Variants in ATP9B observed in about 807,000 individuals in gnomAD.
The protein encoded by ATP9B is probable phospholipid-transporting ATPase IIB.
Under a neutral mutation model 146.1 loss-of-function variants are expected in ATP9B, and 110 were observed. The observed-to-expected ratio is 0.75, with a 90% confidence interval of 0.65 to 0.88. The LOEUF is 0.88. ATP9B is among the 40% of genes least tolerant of loss of function. The pLI, the probability that ATP9B is intolerant of heterozygous loss-of-function variation, is 0.00. For missense variants in ATP9B, 1,499 were observed against 1,496.4 expected (o/e 1.00, Z -0.03); for synonymous variants, 604 against 569.7 (o/e 1.06, Z -0.86).
At chr18:79,070,780 T>G (rs2146339154) in intron 1 of ATP9B, among the ~76,000 whole-genome samples, 1 of 152,298 alleles carries the variant, frequency 6.6e-6, no homozygotes, top group Non-Finnish European at 1.5e-5. Flanking sequence ...GTAATTTTCT[T>G]TGCTCTAAAA....
intron 2 of ATP9B, among the ~76,000 whole-genome samples, chr18:79,104,925 T>C (rs193133681): frequency 2.6e-5 from 4 of 152,056 alleles, no homozygotes; most frequent in African/African-American, 4.8e-5. Context: ...TTTATTTTTA[T>C]AGAGGCAGGG....
In ATP9B at chr18:79,344,363, G is replaced by A. The variant is rs765043740; in HGVS notation, c.2472+9G>A. Reference sequence around the variant, plus strand: ...CTGGGGACTCTCTGGAGGTAAGGCTGGACCCTGAGTGAGTACATGTCTGTC... The same window carrying A: ...CTGGGGACTCTCTGGAGGTAAGGCTAGACCCTGAGTGAGTACATGTCTGTC... On this transcript the variant is annotated intron_variant, in intron 21 of 29. Transcript: ENST00000426216. 2 of 1,613,058 alleles carry A rather than the reference G, an allele frequency of 1.2e-6. No homozygotes were observed. Among genetic ancestry groups the A allele is most frequent in the South Asian group, 1.1e-5 (1 of 91,004 alleles).
At chr18:79,225,929 G>A (rs12605399) in intron 11 of ATP9B, among the ~76,000 whole-genome samples, 52,768 of 53,396 alleles carry the variant, frequency 0.99, 26,080 homozygotes, top group Non-Finnish European at 1. Context: ...TGTCTTCAGC[G>A]TCTGAGTGAC....
Position 79,154,505 on chromosome 18 carries a change from A to G in ATP9B, c.728A>G (p.Asn243Ser). 6.5e-7 allele frequency: 1 copy of G among 1,537,098 alleles called. No individual in the cohort carries two copies. Among genetic ancestry groups the G allele is most frequent in the East Asian group, 2.4e-5 (1 of 41,318 alleles). Residue 243 changes from asparagine to serine, a missense_variant and splice_region_variant, in exon 7 of 30, where the codon AAT (asparagine) becomes AGT (serine). Transcript: ENST00000426216. ...AATCTTTTATAATGCTCTTTGCAGA[A>G]TCAAAGAATTCCATCGGACATGGTG... ...QVGDLIIVEK[N>S]QRIPSDMVFL...
chr18:79,246,301 C>T (rs1250074924), intron 11 of ATP9B, among the ~76,000 whole-genome samples: 1 of 125,210 alleles, frequency 8.0e-6, no homozygotes, highest in East Asian at 2.4e-4. Context: ...GTGCGGAGGG[C>T]ACCGCCCTAC....
chr18:79,227,077 A>T (rs1203261007), intron 11 of ATP9B, among the ~76,000 whole-genome samples: 1 of 152,076 alleles, frequency 6.6e-6, no homozygotes, highest in Non-Finnish European at 1.5e-5. Flanking sequence ...GGTGGGCTAT[A>T]ACCTGTTACT....
At chr18:79,300,973 G>C (rs969796726) in intron 13 of ATP9B, among the ~76,000 whole-genome samples, 1 of 152,128 alleles carries the variant, frequency 6.6e-6, no homozygotes, top group Non-Finnish European at 1.5e-5. Flanking sequence ...TTCACACTAA[G>C]AGAGAAAAGT....
chr18:79,215,366 G>A (rs1306314690), intron 11 of ATP9B, among the ~76,000 whole-genome samples: 2 of 152,058 alleles, frequency 1.3e-5, no homozygotes, highest in Non-Finnish European at 2.9e-5. Context: ...CTGTGCACAC[G>A]GAGAATCCAG....
chr18:79,094,899 C>G (rs1419330744), intron 1 of ATP9B, among the ~76,000 whole-genome samples: 1 of 152,166 alleles, frequency 6.6e-6, no homozygotes, highest in African/African-American at 2.4e-5. Flanking sequence ...CCATCGTACA[C>G]GACATGTACA....
At chr18:79,311,433 T>C (rs2096651805) in intron 15 of ATP9B, among the ~76,000 whole-genome samples, 1 of 152,162 alleles carries the variant, frequency 6.6e-6, no homozygotes, top group South Asian at 2.1e-4. Flanking sequence ...CATCCCCTGA[T>C]ACGGTGACCT....
intron 10 of ATP9B, among the ~76,000 whole-genome samples, chr18:79,210,335 G>A (rs941891358): frequency 1.3e-5 from 2 of 152,238 alleles, no homozygotes; most frequent in Admixed American, 6.5e-5. Flanking sequence ...GGCTGTCAGA[G>A]GGCAATCCCT....
chr18:79,152,206 A>T lies in ATP9B; in HGVS notation c.727-2298A>T, dbSNP rs139408805. ...CTGGAGAGGATGTGGAGAAATAGGA[A>T]CGCTTTTACACTGTTGGTGGGAGTG... is the stretch of plus-strand genomic sequence containing the variant. On this transcript the variant is annotated intron_variant, in intron 6 of 29. Coordinates refer to ENST00000426216, the MANE Select transcript of ATP9B (RefSeq NM_198531.5). 5.9e-3 allele frequency among the ~76,000 whole-genome samples: 894 copies of T among 152,348 alleles called. 5 individuals are homozygous for T. Among genetic ancestry groups the T allele is most frequent in the African/African-American group, 0.021 (864 of 41,574 alleles).
At chr18:79,163,869 T>TACACAC (rs56408063) in intron 7 of ATP9B, among the ~76,000 whole-genome samples, 12,078 of 142,674 alleles carry the variant, frequency 0.085, 576 homozygotes, top group African/African-American at 0.12. Flanking sequence ...TTTTATTTTA[T>TACACAC]ACACACACAC....
At chr18:79,132,234 G>A (rs145391567) in intron 5 of ATP9B, among the ~76,000 whole-genome samples, 35 of 152,260 alleles carry the variant, frequency 2.3e-4, no homozygotes, top group African/African-American at 8.4e-4. Flanking sequence ...TATTTCAAAT[G>A]TACATGAAAA....
intron 11 of ATP9B, among the ~76,000 whole-genome samples, chr18:79,234,817 T>G (rs907361976): frequency 6.6e-6 from 1 of 152,234 alleles, no homozygotes; most frequent in Non-Finnish European, 1.5e-5. Context: ...GCTCTATGTA[T>G]AAGATTTCCT....
intron 13 of ATP9B, among the ~76,000 whole-genome samples, chr18:79,301,882 A>G (rs1298175585): frequency 6.6e-6 from 1 of 152,204 alleles, no homozygotes; most frequent in Admixed American, 6.5e-5. Flanking sequence ...TAAAATAGTA[A>G]TTGTAAGCTC....
In ATP9B at chr18:79,358,883, G is replaced by T. The variant is rs140019520; in HGVS notation, c.2904-471G>T. Among the ~76,000 whole-genome samples the T allele has an allele frequency of 1.4e-4, 19 of 133,338 alleles. No homozygotes were observed. The East Asian group carries it at 4.4e-3, about 31-fold the overall frequency. 87.5% of individuals were successfully genotyped at this position (133,338 alleles called of 152,430 possible). On this transcript the variant is annotated intron_variant, in intron 25 of 29. Coordinates refer to ENST00000426216, the MANE Select transcript of ATP9B (RefSeq NM_198531.5). ...GTGCCCTGGGTCTGGAGGTGTCTGT[G>T]TGAGGGACTCTGTGTGAGGGGTGCT...
At chr18:79,111,152 T>G (rs7227137) in intron 3 of ATP9B, among the ~76,000 whole-genome samples, 10,534 of 152,220 alleles carry the variant, frequency 0.069, 1,272 homozygotes, top group African/African-American at 0.24. Flanking sequence ...CATATACAAT[T>G]AGAATAGTTG....
In ATP9B at chr18:79,134,145, G is replaced by T. The variant is rs570252440; in HGVS notation, c.667+7770G>T. On this transcript the variant is annotated intron_variant, in intron 5 of 29. Transcript: ENST00000426216. ...TGATTTCCGAAGTGTGGTTGTACTG[G>T]TTTTTCCTTTAGTTCTTTGGATAGG... Among the ~76,000 whole-genome samples, 11 of 152,316 alleles carry T rather than the reference G, an allele frequency of 7.2e-5. No homozygotes were observed. In the East Asian group the frequency reaches 1.5e-3, roughly 21 times the overall value.
Sources: allele counts gnomAD v4.1 joint callset (sites outside exome capture counted in the v4.1 genomes callset), GRCh38; gene constraint gnomAD v4.1.1; transcripts MANE v1.5; gene names NCBI Gene and HGNC (gene_info 2026-07-23, HGNC 2026-07-21).